PAK5: variants seen among roughly 807,000 people sequenced by gnomAD.
PAK5 encodes the protein serine/threonine-protein kinase PAK 5.
In PAK5, 16 loss-of-function variants were observed where a neutral mutation model predicts 65.9. The ratio of observed to expected loss-of-function variants is 0.24; its 90% confidence interval spans 0.16 to 0.37. The LOEUF (loss-of-function observed/expected upper bound fraction) is 0.37. Among genes scored for constraint, PAK5 ranks in the 10% least tolerant of loss-of-function variants. PAK5 has a pLI of 1.00. For synonymous variants in PAK5, 371 were observed against 354.9 expected (o/e 1.05, Z -0.51); for missense variants, 785 against 903.9 (o/e 0.87, Z 1.69).
At chr20:9,735,683 A>G (rs544282262) in intron 1 of PAK5, among the ~76,000 whole-genome samples, 46 of 152,086 alleles carry the variant, frequency 3.0e-4, no homozygotes, top group African/African-American at 1.1e-3. Context: ...ATGTAACTTA[A>G]CTGTGTCTCA....
chr20:9,831,507 T>C (rs1569105403), intron 1 of PAK5, among the ~76,000 whole-genome samples: 1 of 152,192 alleles, frequency 6.6e-6, no homozygotes, highest in Non-Finnish European at 1.5e-5. Flanking sequence ...CAACACATCA[T>C]TGACTAATTT....
rs188784005 is a variant in PAK5 at position 9,753,871 on chromosome 20, G to T, written c.-161-42436C>A. On this transcript the variant is annotated intron_variant, in intron 1 of 9. Transcript: ENST00000353224. ...CAGAGCTCCTCATGGATCAAGCTGAGGCTAGACTTCACCTGAGCCCTTATT... is the reference window on the plus strand; with the variant it reads ...CAGAGCTCCTCATGGATCAAGCTGATGCTAGACTTCACCTGAGCCCTTATT... Among the ~76,000 whole-genome samples, 304 of 151,940 alleles carry T rather than the reference G, an allele frequency of 2.0e-3. 6 individuals carry two copies. The highest frequency in any genetic ancestry group is 7.1e-4 in the Non-Finnish European group (48 of 67,840).
intron 1 of PAK5, among the ~76,000 whole-genome samples, chr20:9,816,861 T>C (rs2049363605): frequency 6.6e-6 from 1 of 152,180 alleles, no homozygotes; most frequent in South Asian, 2.1e-4. Flanking sequence ...TTTTCTACTG[T>C]AACCATTACT....
At chr20:9,825,717 T>G (rs1229423576) in intron 1 of PAK5, among the ~76,000 whole-genome samples, 1 of 152,196 alleles carries the variant, frequency 6.6e-6, no homozygotes, top group African/African-American at 2.4e-5. Flanking sequence ...TTAAATAAAA[T>G]TCATACCAGC....
At chr20:9,781,398 T>G (rs2048938813) in intron 1 of PAK5, among the ~76,000 whole-genome samples, 1 of 152,160 alleles carries the variant, frequency 6.6e-6, no homozygotes, top group Non-Finnish European at 1.5e-5. Flanking sequence ...AAGGATGTTG[T>G]GTTTGCCTGG....
chr20:9,641,584 C>T (rs189943416), intron 3 of PAK5, among the ~76,000 whole-genome samples: 357 of 152,062 alleles, frequency 2.3e-3, no homozygotes, highest in African/African-American at 7.9e-3. Flanking sequence ...CTGTGCGGTG[C>T]GCTCACATTC....
At chr20:9,690,621 C>T (rs561150488) in intron 2 of PAK5, among the ~76,000 whole-genome samples, 2 of 152,056 alleles carry the variant, frequency 1.3e-5, no homozygotes, top group South Asian at 4.2e-4. Flanking sequence ...CCACTGCCAG[C>T]CCCTGCTTCC....
At chr20:9,633,118 G>T (rs913739131) in intron 3 of PAK5, among the ~76,000 whole-genome samples, 3 of 152,116 alleles carry the variant, frequency 2.0e-5, no homozygotes, top group Non-Finnish European at 2.9e-5. Context: ...TGAGGTTGGG[G>T]CTGGGTGGCT....
chr20:9,694,728 T>A (rs537424894), intron 2 of PAK5, among the ~76,000 whole-genome samples: 1 of 152,212 alleles, frequency 6.6e-6, no homozygotes, highest in East Asian at 1.9e-4. Flanking sequence ...TGATAGGCCA[T>A]GTTCTTTCTT....
At chr20:9,725,276 C>T (rs1255843170) in intron 1 of PAK5, among the ~76,000 whole-genome samples, 1 of 151,970 alleles carries the variant, frequency 6.6e-6, no homozygotes, top group Non-Finnish European at 1.5e-5. Context: ...AGAAAATTGT[C>T]AAGGTGGGAA....
At chr20:9,812,166 A>G (rs1187134840) in intron 1 of PAK5, among the ~76,000 whole-genome samples, 1 of 152,186 alleles carries the variant, frequency 6.6e-6, no homozygotes, top group African/African-American at 2.4e-5. Flanking sequence ...ACAGCATTAA[A>G]ATAAAAGACT....
At chr20:9,624,427 C>A (rs2046814214) in intron 3 of PAK5, among the ~76,000 whole-genome samples, 1 of 151,894 alleles carries the variant, frequency 6.6e-6, no homozygotes, top group Admixed American at 6.6e-5. Flanking sequence ...TGGTGAATAC[C>A]TTAGAAAAGA....
chr20:9,807,909 G>A (rs1202266566), intron 1 of PAK5, among the ~76,000 whole-genome samples: 3 of 152,072 alleles, frequency 2.0e-5, no homozygotes, highest in Non-Finnish European at 4.4e-5. Context: ...TCCCGAGTTA[G>A]CACATGCAGG....
At chr20:9,798,297 T>A (rs1473581139) in intron 1 of PAK5, among the ~76,000 whole-genome samples, 1 of 152,112 alleles carries the variant, frequency 6.6e-6, no homozygotes, top group Non-Finnish European at 1.5e-5. Flanking sequence ...AATGTAAAGA[T>A]GGGAAATCCT....
intron 3 of PAK5, among the ~76,000 whole-genome samples, chr20:9,632,151 A>G (rs972708701): frequency 2.6e-5 from 4 of 152,182 alleles, no homozygotes; most frequent in African/African-American, 9.7e-5. Context: ...GCTGGGGAAA[A>G]GAAGATGTCC....
chr20:9,653,065 C>T (rs560525358), intron 2 of PAK5, among the ~76,000 whole-genome samples: 1 of 152,320 alleles, frequency 6.6e-6, no homozygotes, highest in South Asian at 2.1e-4. Context: ...ACTCCTCACC[C>T]TGGCTTCAAC....
intron 1 of PAK5, among the ~76,000 whole-genome samples, chr20:9,815,135 C>T (rs539350911): frequency 1.3e-5 from 2 of 152,140 alleles, no homozygotes; most frequent in Non-Finnish European, 2.9e-5. Flanking sequence ...TTCACTCTCT[C>T]CTTCGAGAAT....
chr20:9,737,781 T>C (rs1221665100), intron 1 of PAK5, among the ~76,000 whole-genome samples: 1 of 152,004 alleles, frequency 6.6e-6, no homozygotes, highest in African/African-American at 2.4e-5. Flanking sequence ...CAAAATAGAG[T>C]ATCACTGTGT....
chr20:9,604,680 C>T (rs984326045), intron 3 of PAK5, among the ~76,000 whole-genome samples: 7 of 152,244 alleles, frequency 4.6e-5, no homozygotes, highest in African/African-American at 1.4e-4. Flanking sequence ...GTGAGTCCCT[C>T]CAGCTTGATC....
Sources: allele counts gnomAD v4.1 joint callset (sites outside exome capture counted in the v4.1 genomes callset), GRCh38; gene constraint gnomAD v4.1.1; transcripts MANE v1.5; gene names NCBI Gene and HGNC (gene_info 2026-07-23, HGNC 2026-07-21).